SETDB1: variants seen among roughly 807,000 people sequenced by gnomAD.
The protein encoded by SETDB1 is SET domain bifurcated histone lysine methyltransferase 1.
A neutral mutation model predicts 137.4 loss-of-function variants in SETDB1; 31 were observed. The observed-to-expected ratio is 0.23, with a 90% CI of 0.17 to 0.30. The LOEUF is 0.30. Among genes scored for constraint, SETDB1 ranks in the 10% least tolerant of loss-of-function variants. The pLI, the probability that SETDB1 is intolerant of heterozygous loss-of-function variation, is 1.00. For missense variants in SETDB1, 1,113 were observed against 1,631.5 expected, an observed-to-expected ratio of 0.68 and a Z score of 5.47; for synonymous variants, 548 against 579.9, an observed-to-expected ratio of 0.95 and a Z score of 0.79.
rs769442943 is a variant in SETDB1, at chr1:150,950,724, G to A, written c.1850G>A (p.Arg617Gln). The A allele has an allele frequency of 6.8e-6, 11 of 1,614,158 alleles. No homozygotes were observed. The highest frequency in any genetic ancestry group is 1.1e-5 in the South Asian group (1 of 91,082). ...TTCCGGCGGATGACAGCCCGGCGTC[G>A]AGTTAACCGCAAGATGGGCTTTCAT... ...YDFRRMTARR[R>Q]VNRKMGFHVI... is the part of the protein sequence containing the mutation. The change falls in exon 13 of 22, where the codon CGA becomes CAA. Residue 617 changes from arginine (R) to glutamine (Q), a missense_variant. Arg to Gln is a conservative substitution (Grantham distance 43). Transcript: ENST00000692827.
chr1:150,944,887 C>T (rs1190012616), intron 8 of SETDB1, 31 bp from the exon 9 acceptor site: 3 of 1,611,428 alleles, frequency 1.9e-6, no homozygotes, highest in East Asian at 2.2e-5. Context: ...GCCCTACCTG[C>T]CCTCTCAGTT....
intron 16 of SETDB1, 64 bp downstream of exon 16, chr1:150,961,255 T>A (rs1268580265): frequency 1.4e-6 from 2 of 1,476,908 alleles, no homozygotes; most frequent in Admixed American, 3.8e-5. Context: ...CAATGCAGTC[T>A]CACCATGAGT....
intron 14 of SETDB1, among the ~76,000 whole-genome samples, chr1:150,953,859 A>T (rs12735566): frequency 0.36 from 52,803 of 148,094 alleles, 9,336 homozygotes; most frequent in South Asian, 0.52. Flanking sequence ...TAAAAAAAAA[A>T]TTTTTTTTTT....
At chr1:150,959,484 A>C (rs1176054464) in intron 15 of SETDB1, 137 bp downstream of exon 15, 1 of 693,688 alleles carries the variant, frequency 1.4e-6, no homozygotes, top group Non-Finnish European at 2.5e-6. Context: ...TCTACAAAGA[A>C]CGTGATGAGT....
In SETDB1 at chr1:150,950,899, G is replaced by A. The variant is rs1324668145; in HGVS notation, c.2025G>A (p.Lys675=). The A allele has an allele frequency of 1.9e-6, 3 of 1,613,926 alleles. No homozygotes were observed. In the Admixed American group the frequency reaches 5.0e-5, roughly 27 times the overall value. Residue 675 remains lysine, a synonymous_variant, in exon 13 of 22, where the codon AAG becomes AAA. Transcript: ENST00000692827. ...TGGACCGAAAGTTTCAGCCCTATAA[G>A]CCTTTTTACTATATTTTGGACATCA... is the stretch of plus-strand genomic sequence containing the variant. ...VLVDRKFQPY[K]PFYYILDITY... is the part of the protein sequence containing the mutation.
rs1670213081 is a variant in SETDB1 at position 150,943,111 on chromosome 1, T to TG, written c.875+58_875+59insG. On this transcript the variant is annotated intron_variant, in intron 7 of 21. Coordinates refer to ENST00000692827, the MANE Select transcript of SETDB1 (RefSeq NM_001366418.1). ...GCTGGGAGCACAGCACCTGCCCTGT[T>TG]CGTGCCATAGACCAGATACCACAAT... The TG allele has an allele frequency of 5.6e-6, 7 of 1,254,022 alleles. No individual in the cohort carries two copies. In the South Asian group the frequency reaches 7.4e-5, roughly 13 times the overall value. The allele number at this position is 1,254,022 out of a possible 1,614,324, so 77.7% of individuals were successfully genotyped here.
Position 150,951,108 on chromosome 1 carries a change from A to T in SETDB1, c.2216+18A>T. The T allele has an allele frequency of 6.3e-7, 1 of 1,593,456 alleles. No homozygotes were observed. The highest frequency in any genetic ancestry group is 8.6e-7 in the Non-Finnish European group (1 of 1,167,624). ...CGGGACAAGTGAGTTGGTGGGGGGA[A>T]TTGCTGCCCCTGCTTCCAACTTTGT... On this transcript the variant is annotated intron_variant, in intron 13 of 21. Transcript: ENST00000692827.
At position 150,950,790 on chromosome 1, in the gene SETDB1, T is replaced by C. The variant is rs1670472260; in HGVS notation, c.1916T>C (p.Met639Thr). 2 of 1,614,122 alleles carry C rather than the reference T, an allele frequency of 1.2e-6. No individual in the cohort carries two copies. Among genetic ancestry groups the C allele is most frequent in the South Asian group, 1.1e-5 (1 of 91,094 alleles). Residue 639 changes from methionine (M) to threonine (T), a missense_variant, in exon 13 of 22, where the codon ATG (methionine) becomes ACG (threonine). Physicochemically the swap from Met to Thr is moderately conservative, Grantham distance 81 (BLOSUM62 -1). Coordinates refer to ENST00000692827, the MANE Select transcript of SETDB1 (RefSeq NM_001366418.1). ...KTPCGLCLRT[M>T]QEIERYLFET... ...CCTTGTGGTCTCTGCCTTCGGACAATGCAGGAGATAGAACGCTACCTTTTC... is the reference window on the plus strand; with the variant it reads ...CCTTGTGGTCTCTGCCTTCGGACAACGCAGGAGATAGAACGCTACCTTTTC...
At position 150,962,568 on chromosome 1, in the gene SETDB1, T is replaced by C; in HGVS notation, c.3162-19T>C. The C allele has an allele frequency of 6.2e-7, 1 of 1,613,456 alleles. No individual in the cohort carries two copies. Among genetic ancestry groups the C allele is most frequent in the Admixed American group, 1.7e-5 (1 of 60,004 alleles). On this transcript the variant is annotated intron_variant, in intron 17 of 21. Transcript: ENST00000692827. Reference sequence around the variant, plus strand: ...AACAGCCAGTAACCTGTTGGCTTCATTCCTTCCCCTCCCATTAGAGTTACT... The same window carrying C: ...AACAGCCAGTAACCTGTTGGCTTCACTCCTTCCCCTCCCATTAGAGTTACT...
intron 3 of SETDB1, among the ~76,000 whole-genome samples, chr1:150,932,444 G>C (rs996254060): frequency 9.9e-5 from 15 of 151,924 alleles, no homozygotes; most frequent in African/African-American, 3.6e-4. Flanking sequence ...TTTAGGCTTG[G>C]ACTTTTCTTT....
At chr1:150,929,938 G>T in intron 2 of SETDB1, 29 bp from the exon 3 acceptor site, 1 of 1,603,294 alleles carries the variant, frequency 6.2e-7, no homozygotes, top group South Asian at 1.1e-5. Flanking sequence ...TACTGGCTTT[G>T]ACCTTTTCTG....
rs374319486 is a variant in SETDB1, at chr1:150,927,685, T to G, written c.-11-19T>G. 1 of 1,602,904 alleles carries G rather than the reference T, an allele frequency of 6.2e-7. No homozygotes were observed. Among genetic ancestry groups the G allele is most frequent in the Non-Finnish European group, 8.5e-7 (1 of 1,173,300 alleles). Reference sequence around the variant, plus strand: ...TAGTTATAAGGACTCCAATTTAATTTGTTTTCTGTTCCATGCAGAGGACAA... The same window carrying G: ...TAGTTATAAGGACTCCAATTTAATTGGTTTTCTGTTCCATGCAGAGGACAA... On this transcript the variant is annotated intron_variant, in intron 1 of 21. Transcript: ENST00000692827.
chr1:150,959,838 G>A (rs191515368), intron 15 of SETDB1, among the ~76,000 whole-genome samples: 9 of 152,308 alleles, frequency 5.9e-5, no homozygotes, highest in Admixed American at 3.3e-4. Context: ...TTGGGAGGCC[G>A]AAGTGGGTGG....
In SETDB1 at chr1:150,962,138, C is replaced by A. The variant is rs141513295; in HGVS notation, c.3141C>A (p.Asp1047Glu). 3 of 1,614,064 alleles carry A rather than the reference C, an allele frequency of 1.9e-6. No individual in the cohort carries two copies. The highest frequency in any genetic ancestry group is 2.2e-5 in the South Asian group (2 of 91,086). The change falls in exon 17 of 22, where the codon GAC becomes GAA. Residue 1047 changes from aspartate to glutamate, a missense_variant. Asp to Glu is a conservative substitution (Grantham distance 45). Transcript: ENST00000692827. ...DIKQAKKEDT[D>E]DRNKMSVVTE... ...CACTTGTTCTTTTCCAGGACACTGA[C>A]GACCGAAACAAGATGTCAGTGTAAG...
At chr1:150,929,884 A>G in intron 2 of SETDB1, 83 bp from the exon 3 acceptor site, 1 of 1,162,544 alleles carries the variant, frequency 8.6e-7, no homozygotes, top group Non-Finnish European at 1.2e-6. Context: ...GTCTATACTT[A>G]AATATATATA....
chr1:150,944,408 C>T (rs1252001901), intron 8 of SETDB1, among the ~76,000 whole-genome samples: 2 of 152,200 alleles, frequency 1.3e-5, no homozygotes, highest in Non-Finnish European at 2.9e-5. Context: ...ATAGTGTCCA[C>T]TATATTTGTT....
Position 150,964,586 on chromosome 1 carries a change from C to T in SETDB1, c.*222C>T. On this transcript the variant is annotated 3_prime_UTR_variant, in exon 22 of 22. Transcript: ENST00000692827. ...GCCCTAAAGGGTGGGGAGAGATCAC[C>T]ACTCTAACCTCGGCCTGACATCCCT... is the stretch of plus-strand genomic sequence containing the variant. 1.5e-6 allele frequency: 1 copy of T among 686,702 alleles called. No individual in the cohort carries two copies. Among genetic ancestry groups the T allele is most frequent in the South Asian group, 1.5e-5 (1 of 65,976 alleles). 42.5% of individuals were successfully genotyped at this position (686,702 alleles called of 1,614,324 possible).
intron 3 of SETDB1, among the ~76,000 whole-genome samples, chr1:150,936,823 T>TA (rs879538164): frequency 1.8e-3 from 263 of 147,310 alleles, no homozygotes; most frequent in African/African-American, 3.4e-3. Context: ...CTGCCTGATT[T>TA]AAAAAAAAAA....
chr1:150,961,884 G>T, intron 16 of SETDB1: 1 of 585,482 alleles, frequency 1.7e-6, no homozygotes, highest in Non-Finnish European at 3.1e-6. Context: ...ACTGTCCCTG[G>T]TTGATGTAAT....
Sources: gnomAD v4.1 joint callset for allele counts (sites outside exome capture counted in the v4.1 genomes callset) on GRCh38, gnomAD v4.1.1 for gene constraint, MANE v1.5 for transcripts, NCBI Gene and HGNC (gene_info 2026-07-23, HGNC 2026-07-21) for gene names.